MIOS: variants seen among roughly 807,000 people sequenced by gnomAD.
MIOS encodes GATOR2 complex protein MIOS.
In MIOS, 52 loss-of-function variants were observed where a neutral mutation model predicts 96.9. That is an observed-to-expected ratio of 0.54 (90% CI 0.43 to 0.68). The LOEUF (loss-of-function observed/expected upper bound fraction) is 0.68, where lower values mean the gene tolerates loss of function less well. Among genes scored for constraint, MIOS ranks in the 30% least tolerant of loss-of-function variants. The probability of loss-of-function intolerance (pLI) is 0.00; values close to 1 mark genes in which losing one functional copy is unlikely to be tolerated. For missense variants in MIOS, 1,005 were observed against 1,052.8 expected, an observed-to-expected ratio of 0.95 and a Z score of 0.63; for synonymous variants, 397 against 359.5, an observed-to-expected ratio of 1.10 and a Z score of -1.18.
chr7:7,585,792 AC>A lies in MIOS; in HGVS notation c.1806del (p.Tyr602Ter), dbSNP rs1159486989. 1.9e-6 allele frequency: 3 copies of A among 1,606,380 alleles called. No individual in the cohort carries two copies. Among genetic ancestry groups the A allele is most frequent in the Non-Finnish European group, 2.5e-6 (3 of 1,177,040 alleles). On this transcript the variant is annotated frameshift_variant, in exon 7 of 13. Transcript: ENST00000340080. The stretch of plus-strand genomic sequence containing the variant: ...TTTCTGACAAGTGAAACAGGATCTT[AC>A]GATGGAGTTTTGGTAAGCTAACTTG... The part of the protein sequence containing the change: ...FAFLTSETGS[Y>X]DGVLYENKVA...
chr7:7,594,691 C>G (rs1444745955), intron 9 of MIOS, among the ~76,000 whole-genome samples: 1 of 152,136 alleles, frequency 6.6e-6, no homozygotes, highest in Non-Finnish European at 1.5e-5. Flanking sequence ...TTACAACATT[C>G]AACCACGAAG....
Position 7,585,667 on chromosome 7 carries a change from T to A in MIOS, c.1680T>A (p.Ala560=). The part of the protein sequence containing the change: ...GDLNLNVVAM[A]LSGYTDEKNS... ...TGAATCTCAATGTGGTAGCAATGGC[T>A]TTATCGGGTTATACGGATGAGAAGA... is the stretch of plus-strand genomic sequence containing the variant. The change falls in exon 7 of 13, where the codon GCT becomes GCA. Residue 560 remains alanine (A), a synonymous_variant. Transcript: ENST00000340080. 1.3e-6 allele frequency: 2 copies of A among 1,595,902 alleles called. No individual in the cohort carries two copies. Among genetic ancestry groups the A allele is most frequent in the Non-Finnish European group, 1.7e-6 (2 of 1,172,284 alleles).
chr7:7,594,879 G>A (rs1327162419), intron 9 of MIOS, 101 bp from the exon 10 acceptor site: 3 of 483,740 alleles, frequency 6.2e-6, no homozygotes, highest in South Asian at 5.7e-5. Context: ...AAAAAAAAAG[G>A]CCTATTTCTT....
chr7:7,594,132 A>G (rs1452816736), intron 9 of MIOS, among the ~76,000 whole-genome samples: 1 of 152,088 alleles, frequency 6.6e-6, no homozygotes, highest in African/African-American at 2.4e-5. Flanking sequence ...TTCTGTTATT[A>G]TTTTTAAGGC....
chr7:7,591,569 C>T (rs1234850603), intron 9 of MIOS, among the ~76,000 whole-genome samples: 1 of 152,112 alleles, frequency 6.6e-6, no homozygotes, highest in African/African-American at 2.4e-5. Context: ...CATGAGCCAC[C>T]ACGCCCAGCC....
At chr7:7,609,049 A>G (rs987432723), downstream of MIOS, 6 of 152,058 alleles carry the variant, frequency 3.9e-5, no homozygotes, top group African/African-American at 1.4e-4. Flanking sequence ...TCAACAAGAT[A>G]CTTTACCTAA....
At chr7:7,584,158 C>T (rs1206581116) in intron 6 of MIOS, among the ~76,000 whole-genome samples, 1 of 152,098 alleles carries the variant, frequency 6.6e-6, no homozygotes, top group African/African-American at 2.4e-5. Flanking sequence ...TAGAGAAAAA[C>T]ATGAAATTCA....
chr7:7,607,858 C>A lies in MIOS; in HGVS notation c.*766C>A, dbSNP rs953277574. ...AAAATTTTCACTTTCTACCTTTTGCCTTCCAATGTCCTGATTTGTCTTCAA... is the reference window on the plus strand; with the variant it reads ...AAAATTTTCACTTTCTACCTTTTGCATTCCAATGTCCTGATTTGTCTTCAA... On this transcript the variant is annotated 3_prime_UTR_variant, in exon 13 of 13. Transcript: ENST00000340080. 1.3e-5 allele frequency: 2 copies of A among 152,142 alleles called. No individual in the cohort carries two copies. Among genetic ancestry groups the A allele is most frequent in the Non-Finnish European group, 2.9e-5 (2 of 68,006 alleles). 9.4% of individuals were successfully genotyped at this position (152,142 alleles called of 1,614,324 possible). A position where few individuals can be genotyped will look rare whatever the true frequency, so the allele number is the denominator to read the frequency against.
chr7:7,570,680 A>G (rs1783321277), intron 3 of MIOS, among the ~76,000 whole-genome samples: 1 of 152,032 alleles, frequency 6.6e-6, no homozygotes, highest in African/African-American at 2.4e-5. Context: ...TTAGATTCTC[A>G]CAAGGAATGC....
chr7:7,609,083 TAA>T (rs1784599798), downstream of MIOS, among the ~76,000 whole-genome samples: 1 of 152,122 alleles, frequency 6.6e-6, no homozygotes, highest in African/African-American at 2.4e-5. Flanking sequence ...ATGTGTTTAT[TAA>T]AAGTGTTTTT....
chr7:7,578,024 G>A (rs753718632), intron 5 of MIOS, among the ~76,000 whole-genome samples: 16 of 152,200 alleles, frequency 1.1e-4, no homozygotes, highest in Non-Finnish European at 1.9e-4. Context: ...ACACTGCGAG[G>A]TTGTGAAAAA....
At chr7:7,606,823 C>G (rs1321312773) in intron 12 of MIOS, among the ~76,000 whole-genome samples, 173 bp from the exon 13 acceptor site, 1 of 152,112 alleles carries the variant, frequency 6.6e-6, no homozygotes, top group East Asian at 1.9e-4. Flanking sequence ...CAGTGGTGCA[C>G]ACCTGTAGTC....
At position 7,572,514 on chromosome 7, in the gene MIOS, C is replaced by A; in HGVS notation, c.39C>A (p.His13Gln). ...GTKPDILWAP[H>Q]HVDRFVVCDS... is the part of the protein sequence containing the mutation. The stretch of plus-strand genomic sequence containing the variant: ...AACCTGATATTTTATGGGCACCACA[C>A]CATGTTGATAGATTTGTTGTGTGTG... Residue 13 changes from histidine to glutamine, a missense_variant, in exon 4 of 13, where the codon CAC becomes CAA. Physicochemically the swap from His to Gln is conservative, Grantham distance 24. Transcript: ENST00000340080. This position sits in a 1 kb window ranked among gnomAD's most constrained non-coding sequence, Gnocchi z 4.8. 6.2e-7 allele frequency: 1 copy of A among 1,613,876 alleles called. No homozygotes were observed.
chr7:7,606,221 A>G, intron 12 of MIOS, 150 bp downstream of exon 12: 1 of 1,012,798 alleles, frequency 9.9e-7, no homozygotes, highest in Non-Finnish European at 1.4e-6. Flanking sequence ...TGGTGTGAAC[A>G]TGTCGTGATT....
intron 11 of MIOS, among the ~76,000 whole-genome samples, chr7:7,601,207 T>A: frequency 6.7e-6 from 1 of 149,958 alleles, no homozygotes; most frequent in East Asian, 2.0e-4. Flanking sequence ...AGGCAAGAAA[T>A]AACTAAGATC....
intron 11 of MIOS, among the ~76,000 whole-genome samples, chr7:7,601,088 A>G (rs981698071): frequency 6.6e-6 from 1 of 152,198 alleles, no homozygotes; most frequent in Non-Finnish European, 1.5e-5. Context: ...GGAAATTTAT[A>G]GCACTAAATG....
chr7:7,600,361 A>C lies in MIOS; in HGVS notation c.2401+3900A>C, dbSNP rs191532173. Among the ~76,000 whole-genome samples, 218 of 152,294 alleles carry C rather than the reference A, an allele frequency of 1.4e-3. 1 individual carries two copies. Among genetic ancestry groups the C allele is most frequent in the African/African-American group, 5.0e-3 (207 of 41,550 alleles). On this transcript the variant is annotated intron_variant, in intron 11 of 12. Coordinates refer to ENST00000340080, the MANE Select transcript of MIOS (RefSeq NM_019005.4). ...CAGAGACACACATAGGCTCAAAATAAAGGGATGGAGGAAGATCTACCAAGC... is the reference window on the plus strand; with the variant it reads ...CAGAGACACACATAGGCTCAAAATACAGGGATGGAGGAAGATCTACCAAGC...
chr7:7,567,139 AG>A (rs1783165964), intron 1 of MIOS, 67 bp downstream of exon 1: 1 of 152,056 alleles, frequency 6.6e-6, no homozygotes, highest in Admixed American at 6.5e-5. Context: ...GAGGGGCCGG[AG>A]ATAGCCTAGT....
chr7:7,595,849 T>A (rs1290763566), intron 10 of MIOS, among the ~76,000 whole-genome samples: 2 of 152,216 alleles, frequency 1.3e-5, no homozygotes, highest in Non-Finnish European at 2.9e-5. Flanking sequence ...ATTATAAGTT[T>A]GTTAACTCTC....
Sources: allele counts gnomAD v4.1 joint callset (sites outside exome capture counted in the v4.1 genomes callset), GRCh38; gene constraint gnomAD v4.1.1; non-coding constraint Gnocchi (gnomAD v3.1); transcripts MANE v1.5; gene names NCBI Gene and HGNC (gene_info 2026-07-23, HGNC 2026-07-21).